Variants in NOS1AP observed in about 807,000 individuals in gnomAD.
NOS1AP encodes the protein nitric oxide synthase 1 adaptor protein.
Under a neutral mutation model 56.2 loss-of-function variants are expected in NOS1AP, and 21 were observed. That is an observed-to-expected ratio of 0.37 (90% CI 0.26 to 0.54). The LOEUF (loss-of-function observed/expected upper bound fraction) is 0.54, where lower values mean the gene tolerates loss of function less well. Among genes scored for constraint, NOS1AP ranks in the 20% least tolerant of loss-of-function variants. The pLI, the probability that NOS1AP is intolerant of heterozygous loss-of-function variation, is 0.84. For missense variants in NOS1AP, 522 were observed against 657.8 expected, an observed-to-expected ratio of 0.79 and a Z score of 2.26; for synonymous variants, 270 against 274.6, an observed-to-expected ratio of 0.98 and a Z score of 0.17.
chr1:162,345,551 C>T (rs908513682), intron 6 of NOS1AP, among the ~76,000 whole-genome samples: 3 of 152,218 alleles, frequency 2.0e-5, no homozygotes, highest in South Asian at 2.1e-4. Flanking sequence ...TAGTTATTTA[C>T]GTTAACAGAT....
At chr1:162,273,129 G>T (rs1046188531) in intron 2 of NOS1AP, among the ~76,000 whole-genome samples, 1 of 150,092 alleles carries the variant, frequency 6.7e-6, no homozygotes, top group Non-Finnish European at 1.5e-5. Flanking sequence ...CTCCTGGCCT[G>T]CTCTGCAGGA....
In NOS1AP at chr1:162,216,078, AAGCT is replaced by A. The variant is rs1438934109; in HGVS notation, c.177+61603_177+61606del. On this transcript the variant is annotated intron_variant, in intron 2 of 9. Coordinates refer to ENST00000361897, the MANE Select transcript of NOS1AP (RefSeq NM_014697.3). The stretch of plus-strand genomic sequence containing the variant: ...CACTTTTATTTCCTGCTCCAACTGC[AAGCT>A]GCTTCCTTGCCCTCCTCCCCCATCT... Among the ~76,000 whole-genome samples, 212 of 152,244 alleles carry A rather than the reference AAGCT, an allele frequency of 1.4e-3. 1 individual carries two copies. The highest frequency in any genetic ancestry group is 4.6e-3 in the African/African-American group (190 of 41,546).
At position 162,179,137 on chromosome 1, in the gene NOS1AP, C is replaced by A. The variant is rs990690138; in HGVS notation, c.177+24661C>A. Among the ~76,000 whole-genome samples, 10 of 152,110 alleles carry A rather than the reference C, an allele frequency of 6.6e-5. No individual in the cohort carries two copies. The East Asian group carries it at 1.9e-3, about 29-fold the overall frequency. On this transcript the variant is annotated intron_variant, in intron 2 of 9. Transcript: ENST00000361897. ...ATGAATTTCCTACCATTGTGTATCTCGTAGTTACTGGGTATTTATTTTATG... is the reference window on the plus strand; with the variant it reads ...ATGAATTTCCTACCATTGTGTATCTAGTAGTTACTGGGTATTTATTTTATG...
At chr1:162,267,395 C>T (rs557332902) in intron 2 of NOS1AP, among the ~76,000 whole-genome samples, 8 of 151,868 alleles carry the variant, frequency 5.3e-5, no homozygotes, top group Admixed American at 5.3e-4. Flanking sequence ...TCTCTTGAAG[C>T]CCCACTGGAA....
At chr1:162,081,774 A>ATAGATATATATATTTTTTTTTTT in intron 1 of NOS1AP, among the ~76,000 whole-genome samples, 1 of 44,060 alleles carries the variant, frequency 2.3e-5, no homozygotes, top group Non-Finnish European at 4.6e-5. Flanking sequence ...ATATATATAT[A>ATAGATATATATATTTTTTTTTTT]TTTTTTTTTT....
intron 1 of NOS1AP, among the ~76,000 whole-genome samples, chr1:162,071,946 G>A (rs889963537): frequency 6.6e-6 from 1 of 152,102 alleles, no homozygotes; most frequent in Admixed American, 6.6e-5. Flanking sequence ...TGTAATTCCA[G>A]CACTTTGGGA....
chr1:162,131,752 GT>G (rs1648759057), intron 1 of NOS1AP, among the ~76,000 whole-genome samples: 3 of 151,598 alleles, frequency 2.0e-5, no homozygotes. Flanking sequence ...TTTCTTTTTG[GT>G]TGGGAGGATG....
At chr1:162,184,190 T>C (rs1651354213) in intron 2 of NOS1AP, among the ~76,000 whole-genome samples, 1 of 152,162 alleles carries the variant, frequency 6.6e-6, no homozygotes, top group Non-Finnish European at 1.5e-5. Context: ...GGGGAATGGC[T>C]GGTTGGTGGA....
intron 2 of NOS1AP, among the ~76,000 whole-genome samples, chr1:162,216,600 A>G (rs1313210341): frequency 1.3e-5 from 2 of 152,256 alleles, no homozygotes; most frequent in African/African-American, 2.4e-5. Flanking sequence ...CCAAATGGGA[A>G]TATTACAATT....
At chr1:162,105,698 C>T (rs1196438471) in intron 1 of NOS1AP, among the ~76,000 whole-genome samples, 1 of 152,224 alleles carries the variant, frequency 6.6e-6, no homozygotes, top group Non-Finnish European at 1.5e-5. Flanking sequence ...TCTGGCAAGG[C>T]AGCTGTGCTA....
chr1:162,083,648 C>T (rs1691940070), intron 1 of NOS1AP, among the ~76,000 whole-genome samples: 1 of 152,164 alleles, frequency 6.6e-6, no homozygotes, highest in South Asian at 2.1e-4. Flanking sequence ...TTTTACCTTT[C>T]CTCAAAGTCA....
chr1:162,109,910 C>T (rs1472572847), intron 1 of NOS1AP, among the ~76,000 whole-genome samples: 2 of 152,184 alleles, frequency 1.3e-5, no homozygotes, highest in Admixed American at 1.3e-4. Flanking sequence ...TTATGATTCT[C>T]TTTTAATCTG....
chr1:162,200,634 A>G (rs570236961), intron 2 of NOS1AP, among the ~76,000 whole-genome samples: 2 of 152,298 alleles, frequency 1.3e-5, no homozygotes, highest in Non-Finnish European at 2.9e-5. Context: ...GTTCAGAGTG[A>G]TATCACCCCT....
intron 1 of NOS1AP, among the ~76,000 whole-genome samples, chr1:162,140,403 G>A (rs951328359): frequency 1.3e-5 from 2 of 152,108 alleles, no homozygotes; most frequent in Admixed American, 6.5e-5. Flanking sequence ...ACAATAGTTG[G>A]TTTTCTGCTC....
intron 2 of NOS1AP, among the ~76,000 whole-genome samples, chr1:162,228,294 AAGCGTATAT>A (rs1271450842): frequency 6.6e-6 from 1 of 152,226 alleles, no homozygotes; most frequent in East Asian, 1.9e-4. Context: ...AATACCAGAA[AAGCGTATAT>A]ATGTTTACTG....
At chr1:162,108,933 T>A (rs1647611123) in intron 1 of NOS1AP, among the ~76,000 whole-genome samples, 1 of 152,190 alleles carries the variant, frequency 6.6e-6, no homozygotes, top group Non-Finnish European at 1.5e-5. Context: ...TTGGGTAATT[T>A]ATAAAGGAAA....
intron 1 of NOS1AP, among the ~76,000 whole-genome samples, chr1:162,129,810 G>A (rs564804911): frequency 1.3e-5 from 2 of 152,280 alleles, no homozygotes; most frequent in South Asian, 4.2e-4. Flanking sequence ...TTTGGCCTAG[G>A]CAGTGTTTGC....
Position 162,367,193 on chromosome 1 carries a change from G to A in NOS1AP, c.1247G>A (p.Gly416Asp), listed in dbSNP as rs1263721262. 19 of 1,613,772 alleles carry A rather than the reference G, an allele frequency of 1.2e-5. No homozygotes were observed. The highest frequency in any genetic ancestry group is 1.6e-4 in the Middle Eastern group (1 of 6,084). Residue 416 changes from glycine to aspartate, a missense_variant, in exon 10 of 10, where the codon GGC becomes GAC. Physicochemically the swap from Gly to Asp is moderately conservative, Grantham distance 94. This residue lies in a region of NOS1AP where 160 missense variants were observed against 180.3 expected (regional missense o/e 0.89). Coordinates refer to ENST00000361897, the MANE Select transcript of NOS1AP (RefSeq NM_014697.3). This position sits in a 1 kb window ranked among gnomAD's most constrained non-coding sequence, Gnocchi z 6.5. ...AGLADFAHPA[G>D]SPLGRRDCLV... ...TTGGCTGACTTTGCCCACCCTGCGG[G>A]CAGCCCCTTAGGTAGGCGCGACTGC...
chr1:162,347,366 T>A (rs1657334167), intron 6 of NOS1AP, among the ~76,000 whole-genome samples: 1 of 152,214 alleles, frequency 6.6e-6, no homozygotes. Flanking sequence ...GGATATTTTC[T>A]CTGGTGAAGA....
Sources: gnomAD v4.1 joint callset for allele counts (sites outside exome capture counted in the v4.1 genomes callset) on GRCh38, gnomAD v4.1.1 for gene constraint, gnomAD v4.1.1 regional missense constraint, Gnocchi (gnomAD v3.1) non-coding constraint, MANE v1.5 for transcripts, NCBI Gene and HGNC (gene_info 2026-07-23, HGNC 2026-07-21) for gene names.